ACVR1: variants seen among roughly 807,000 people sequenced by gnomAD.
The protein encoded by ACVR1 is activin A receptor type 1.
A neutral mutation model predicts 57.1 loss-of-function variants in ACVR1; 38 were observed. The ratio of observed to expected loss-of-function variants is 0.67; its 90% CI spans 0.51 to 0.87. The LOEUF (loss-of-function observed/expected upper bound fraction) is 0.87. Among genes scored for constraint, ACVR1 ranks in the 40% least tolerant of loss-of-function variants. The pLI is 0.00. For synonymous variants in ACVR1, 212 were observed against 228.1 expected (o/e 0.93, Z 0.63); for missense variants, 463 against 638.2 (o/e 0.73, Z 2.96).
intron 1 of ACVR1, among the ~76,000 whole-genome samples, chr2:157,850,338 T>G (rs1419393632): frequency 6.6e-6 from 1 of 150,768 alleles, no homozygotes; most frequent in African/African-American, 2.4e-5. Context: ...TGCAGTGAGC[T>G]GAGATCGTGC....
At chr2:157,817,558 G>T (rs1699940850) in intron 2 of ACVR1, among the ~76,000 whole-genome samples, 1 of 152,142 alleles carries the variant, frequency 6.6e-6, no homozygotes, top group East Asian at 1.9e-4. Context: ...GTCGAAGTAG[G>T]TTCATTGATT....
At chr2:157,791,557 C>T (rs368315692) in intron 3 of ACVR1, among the ~76,000 whole-genome samples, 104 of 152,352 alleles carry the variant, frequency 6.8e-4, no homozygotes, top group African/African-American at 2.4e-3. Flanking sequence ...GCCGGGCACT[C>T]GGCATGTAGT....
chr2:157,866,936 C>G (rs1386490298), intron 1 of ACVR1, among the ~76,000 whole-genome samples: 1 of 152,172 alleles, frequency 6.6e-6, no homozygotes, highest in African/African-American at 2.4e-5. Context: ...CATTCTCATC[C>G]TCTCACCAAT....
chr2:157,806,613 C>G (rs1687556702), intron 2 of ACVR1: 2 of 152,168 alleles, frequency 1.3e-5, no homozygotes, highest in Non-Finnish European at 2.9e-5. Context: ...CTTCTATGCT[C>G]AAAAGGCAAT....
chr2:157,769,267 A>C (rs1685989593), intron 7 of ACVR1, among the ~76,000 whole-genome samples: 1 of 152,250 alleles, frequency 6.6e-6, no homozygotes, highest in Non-Finnish European at 1.5e-5. Flanking sequence ...CTTGAATACC[A>C]GTCACAAGTG....
rs748669145 is a variant in ACVR1 at position 157,737,490 on chromosome 2, GACA to G, written c.*38_*40del. The G allele has an allele frequency of 1.9e-6, 3 of 1,611,486 alleles. No individual in the cohort carries two copies. Among genetic ancestry groups the G allele is most frequent in the South Asian group, 1.1e-5 (1 of 90,808 alleles). On this transcript the variant is annotated 3_prime_UTR_variant, in exon 11 of 11. Coordinates refer to ENST00000434821, the MANE Select transcript of ACVR1 (RefSeq NM_001111067.4). ...CAGCATTAGGTCCCAGCTGGACAAT[GACA>G]ACAACGTCAAATCTTCCTTCTTGAC...
At chr2:157,745,969 A>G (rs777180840) in intron 9 of ACVR1, among the ~76,000 whole-genome samples, 1 of 152,174 alleles carries the variant, frequency 6.6e-6, no homozygotes, top group Non-Finnish European at 1.5e-5. Context: ...TCCCCACCCC[A>G]TAAGAGGCAC....
chr2:157,869,296 G>A (rs576571872), intron 1 of ACVR1, among the ~76,000 whole-genome samples: 3 of 152,286 alleles, frequency 2.0e-5, no homozygotes, highest in African/African-American at 7.2e-5. Flanking sequence ...GAGGGGCATA[G>A]GGGTAAGAAC....
chr2:157,858,332 G>A lies in ACVR1; in HGVS notation c.-183+17464C>T, dbSNP rs74645627. Among the ~76,000 whole-genome samples, 21 of 152,194 alleles carry A rather than the reference G, an allele frequency of 1.4e-4. No homozygotes were observed. The East Asian group carries it at 3.7e-3, about 27-fold the overall frequency. On this transcript the variant is annotated intron_variant, in intron 1 of 10. Coordinates refer to ENST00000434821, the MANE Select transcript of ACVR1 (RefSeq NM_001111067.4). ...ACTCATCCCTTGGACCAAGGTGACA[G>A]ATCCACCCTCTCCCCTTTCTCTCAG...
chr2:157,857,616 G>A (rs1033043585), intron 1 of ACVR1, among the ~76,000 whole-genome samples: 14 of 152,118 alleles, frequency 9.2e-5, no homozygotes, highest in African/African-American at 3.4e-4. Flanking sequence ...GTTATTAAGA[G>A]GATCATGTAA....
At chr2:157,739,312 C>T (rs898540668) in intron 9 of ACVR1, among the ~76,000 whole-genome samples, 1 of 152,188 alleles carries the variant, frequency 6.6e-6, no homozygotes, top group African/African-American at 2.4e-5. Context: ...TGAACTCTTC[C>T]TCTGCCCAAA....
intron 1 of ACVR1, among the ~76,000 whole-genome samples, chr2:157,854,869 A>G (rs932478846): frequency 9.3e-5 from 14 of 150,542 alleles, no homozygotes; most frequent in African/African-American, 3.2e-4. Context: ...TAAAACCCCA[A>G]CTCCACTAAA....
intron 6 of ACVR1, among the ~76,000 whole-genome samples, chr2:157,772,579 A>G (rs1014383284): frequency 2.0e-5 from 3 of 152,236 alleles, no homozygotes; most frequent in African/African-American, 7.2e-5. Context: ...CTATTTTGCC[A>G]TTTGGACTCT....
At position 157,802,417 on chromosome 2, in the gene ACVR1, G is replaced by C. The variant is rs150892833; in HGVS notation, c.-7-2917C>G. Among the ~76,000 whole-genome samples the C allele has an allele frequency of 2.5e-3, 386 of 151,956 alleles. 2 individuals carry two copies. Among genetic ancestry groups the C allele is most frequent in the African/African-American group, 8.4e-3 (346 of 41,422 alleles). ...ATACCCAAGAAGGCTAGAGAGGAAG[G>C]CAAAGGTCAGAACGGAGGTAAGGCA... On this transcript the variant is annotated intron_variant, in intron 2 of 10. Transcript: ENST00000434821.
Position 157,764,580 on chromosome 2 carries a change from T to C in ACVR1, c.1066+1341A>G, listed in dbSNP as rs190227780. On this transcript the variant is annotated intron_variant, in intron 8 of 10. Coordinates refer to ENST00000434821, the MANE Select transcript of ACVR1 (RefSeq NM_001111067.4). ...ACAGCGTCAAGCCCTGGAGTTCCTC[T>C]TGGCTAACTCCCAACCCCATCCGCC... 1.9e-3 allele frequency among the ~76,000 whole-genome samples: 293 copies of C among 152,272 alleles called. 3 individuals are homozygous for C. The highest frequency in any genetic ancestry group is 6.7e-3 in the African/African-American group (278 of 41,546).
intron 9 of ACVR1, among the ~76,000 whole-genome samples, chr2:157,744,069 A>G (rs1290241471): frequency 6.6e-6 from 1 of 152,208 alleles, no homozygotes; most frequent in East Asian, 1.9e-4. Context: ...CAAGCCACCC[A>G]TGGGATAATG....
At chr2:157,760,052 A>C (rs1685582284) in intron 9 of ACVR1, among the ~76,000 whole-genome samples, 1 of 152,176 alleles carries the variant, frequency 6.6e-6, no homozygotes, top group Non-Finnish European at 1.5e-5. Flanking sequence ...AAGAATGCCT[A>C]CTTTCACCAT....
chr2:157,844,497 AAAC>A (rs888928320), intron 1 of ACVR1, among the ~76,000 whole-genome samples: 70 of 152,220 alleles, frequency 4.6e-4, no homozygotes, highest in African/African-American at 1.6e-3. Context: ...AGAAATTAAC[AAAC>A]AAACAAAAAA....
chr2:157,858,631 T>A (rs551052851), intron 1 of ACVR1, among the ~76,000 whole-genome samples: 42 of 151,988 alleles, frequency 2.8e-4, no homozygotes, highest in African/African-American at 9.6e-4. Flanking sequence ...ATGGATTACA[T>A]AACCATTACG....
Sources: allele counts gnomAD v4.1 joint callset (sites outside exome capture counted in the v4.1 genomes callset), GRCh38; gene constraint gnomAD v4.1.1; transcripts MANE v1.5; gene names NCBI Gene and HGNC (gene_info 2026-07-23, HGNC 2026-07-21).